Variants in SATB1 observed in about 807,000 individuals in gnomAD.
The protein encoded by SATB1 is DNA-binding protein SATB1.
Under a neutral mutation model 86.9 loss-of-function variants are expected in SATB1, and 11 were observed. That is an observed-to-expected ratio of 0.13 (90% CI 0.08 to 0.21). The LOEUF is 0.21. Ranked by LOEUF, SATB1 falls within the 10% of genes least tolerant of loss-of-function variation. The pLI is 1.00. For missense variants in SATB1, 551 were observed against 937.6 expected (o/e 0.59, Z 5.39); for synonymous variants, 357 against 357.2 (o/e 1.00, Z 0.01).
intron 5 of SATB1, among the ~76,000 whole-genome samples, chr3:18,398,681 A>G (rs971276096): frequency 6.6e-6 from 1 of 152,130 alleles, no homozygotes; most frequent in Non-Finnish European, 1.5e-5. Context: ...GAGTCGCATT[A>G]TTTATGTAAA....
chr3:18,417,635 A>G (rs1472348523), intron 2 of SATB1: 2 of 693,566 alleles, frequency 2.9e-6, no homozygotes, highest in Admixed American at 4.2e-5. Flanking sequence ...TTTAGATATT[A>G]GCTCTAACTG....
chr3:18,435,785 C>G (rs1007283313), intron 2 of SATB1, among the ~76,000 whole-genome samples: 1 of 152,070 alleles, frequency 6.6e-6, no homozygotes, highest in African/African-American at 2.4e-5. Flanking sequence ...AGGAGCATCA[C>G]ATGATTATTT....
At chr3:18,377,480 T>G (rs1056687839) in intron 9 of SATB1, among the ~76,000 whole-genome samples, 15 of 152,196 alleles carry the variant, frequency 9.9e-5, no homozygotes, top group African/African-American at 3.1e-4. Flanking sequence ...ATTTGACAGT[T>G]ATGCTGATAA....
At chr3:18,367,409 T>C (rs919538894) in intron 9 of SATB1, among the ~76,000 whole-genome samples, 31 of 152,300 alleles carry the variant, frequency 2.0e-4, no homozygotes, top group African/African-American at 7.2e-4. Context: ...TTCCTTCCTG[T>C]ATGTTTTCAT....
chr3:18,394,549 G>A lies in SATB1; in HGVS notation c.1119C>T (p.Ser373=), dbSNP rs751682517. The A allele has an allele frequency of 2.2e-5, 35 of 1,613,998 alleles. No individual in the cohort carries two copies. The highest frequency in any genetic ancestry group is 9.3e-5 in the African/African-American group (7 of 74,902). Residue 373 remains serine (S), a synonymous_variant, in exon 7 of 11, where the codon TCC becomes TCT. Coordinates refer to ENST00000338745, the MANE Select transcript of SATB1 (RefSeq NM_002971.6). This position sits in a 1 kb window ranked among gnomAD's most constrained non-coding sequence, Gnocchi z 5.9. The part of the protein sequence containing the change: ...QQVSTNTEVS[S]EIYQWVRDEL... ...CATCGCGTACCCACTGGTAGATTTCGGAAGACACCTCTGTGTTGGTCGAAA... is the reference window on the plus strand; with the variant it reads ...CATCGCGTACCCACTGGTAGATTTCAGAAGACACCTCTGTGTTGGTCGAAA...
chr3:18,422,846 G>C (rs573340615), intron 1 of SATB1, among the ~76,000 whole-genome samples: 1 of 152,286 alleles, frequency 6.6e-6, no homozygotes. Flanking sequence ...AAGTAATCAT[G>C]AGGCTTAACA....
chr3:18,350,892 C>CA (rs1452696288), intron 10 of SATB1: 10 of 241,582 alleles, frequency 4.1e-5, no homozygotes, highest in Non-Finnish European at 7.4e-5. Context: ...CACAGAAATA[C>CA]AAAAAAATTG....
In SATB1 at chr3:18,444,657, C is replaced by G. The variant is rs1431896351; in HGVS notation, c.-25+861G>C. 1.0e-6 allele frequency: 1 copy of G among 984,050 alleles called. No individual in the cohort carries two copies. The highest frequency in any genetic ancestry group is 1.2e-6 in the Non-Finnish European group (1 of 829,588). 61.0% of individuals were successfully genotyped at this position (984,050 alleles called of 1,614,324 possible). A position where few individuals can be genotyped will look rare whatever the true frequency, so the allele number is the denominator to read the frequency against. On this transcript the variant is annotated intron_variant, in intron 1 of 3. Transcript: ENST00000415069. The surrounding 1 kb of genome is among the most constrained non-coding windows in gnomAD (Gnocchi z 5.1). ...GTGGCTGTCGAGTGCGGGCCTGAAA[C>G]CAAGAACGGCTCCCCGGGCGGGCGC...
At chr3:18,391,100 T>C (rs1234259693) in intron 7 of SATB1, among the ~76,000 whole-genome samples, 1 of 152,006 alleles carries the variant, frequency 6.6e-6, no homozygotes, top group Non-Finnish European at 1.5e-5. Context: ...TACCATAAAT[T>C]TTCAGAAAAG....
intron 5 of SATB1, among the ~76,000 whole-genome samples, chr3:18,405,847 A>C (rs923549976): frequency 2.6e-5 from 4 of 152,016 alleles, no homozygotes; most frequent in Non-Finnish European, 4.4e-5. Flanking sequence ...CAGCTTTTAG[A>C]TAAGACTTCC....
intron 2 of SATB1, 88 bp downstream of exon 2, chr3:18,420,669 A>G (rs933657568): frequency 2.0e-6 from 2 of 1,016,654 alleles, no homozygotes; most frequent in African/African-American, 3.2e-5. Flanking sequence ...TATACAAAAC[A>G]TGTTCTGCCA....
At chr3:18,395,643 T>TG (rs1696928450) in intron 6 of SATB1, among the ~76,000 whole-genome samples, 1 of 152,346 alleles carries the variant, frequency 6.6e-6, no homozygotes, top group South Asian at 2.1e-4. Context: ...TACCCAGTGT[T>TG]GCTAAGATCC....
At chr3:18,417,279 T>C in intron 2 of SATB1, 1 of 585,492 alleles carries the variant, frequency 1.7e-6, no homozygotes, top group Non-Finnish European at 2.9e-6. Flanking sequence ...AACAGAAATA[T>C]TTAAGTAGAA....
chr3:18,391,996 G>A (rs2125110321), intron 7 of SATB1, among the ~76,000 whole-genome samples: 1 of 152,262 alleles, frequency 6.6e-6, no homozygotes, highest in East Asian at 1.9e-4. Context: ...TTCCTCTTAA[G>A]TCAAACATCT....
chr3:18,383,538 AAT>A (rs1696164251), intron 8 of SATB1, among the ~76,000 whole-genome samples: 1 of 152,188 alleles, frequency 6.6e-6, no homozygotes, highest in Admixed American at 6.5e-5. Context: ...TTTGTCTCAA[AAT>A]ATGTTTCAAA....
At chr3:18,357,182 G>A (rs1216252718) in intron 9 of SATB1, among the ~76,000 whole-genome samples, 1 of 151,700 alleles carries the variant, frequency 6.6e-6, no homozygotes, top group Non-Finnish European at 1.5e-5. Context: ...TGCAGGAATA[G>A]TTTGTTCCAA....
intron 1 of SATB1, chr3:18,445,075 C>A: frequency 2.7e-6 from 1 of 369,174 alleles, no homozygotes; most frequent in Non-Finnish European, 3.7e-6. Context: ...CGCATCCAGA[C>A]GTGGCGCTTC....
Position 18,420,962 on chromosome 3 carries a change from A to T in SATB1, c.6T>A (p.Asp2Glu). The change falls in exon 2 of 11, where the codon GAT becomes GAA. Residue 2 changes from aspartate (D) to glutamate (E), a missense_variant. By Grantham distance (45) the Asp-to-Glu change is conservative. Coordinates refer to ENST00000338745, the MANE Select transcript of SATB1 (RefSeq NM_002971.6). ...TCCCCTGAGTTGCCTCGTTCAAATGATCCATACTCAGTCACTGTCTAAAGA... is the reference window on the plus strand; with the variant it reads ...TCCCCTGAGTTGCCTCGTTCAAATGTTCCATACTCAGTCACTGTCTAAAGA... MDHLNEATQGKE... is the reference protein window; with the variant it reads MEHLNEATQGKE... 1 of 1,614,044 alleles carries T rather than the reference A, an allele frequency of 6.2e-7. No individual in the cohort carries two copies. Among genetic ancestry groups the T allele is most frequent in the South Asian group, 1.1e-5 (1 of 91,086 alleles).
rs970923716 is a variant in SATB1 at position 18,348,034 on chromosome 3, A to T, written c.*1136T>A. ...TAAAGAAAATTGTGATACACTTATA[A>T]AAACAGCCAGCTGTAACAAAATAGC... On this transcript the variant is annotated 3_prime_UTR_variant, in exon 11 of 11. Coordinates refer to ENST00000338745, the MANE Select transcript of SATB1 (RefSeq NM_002971.6). 8 of 152,638 alleles carry T rather than the reference A, an allele frequency of 5.2e-5. No individual in the cohort carries two copies. Among genetic ancestry groups the T allele is most frequent in the African/African-American group, 1.4e-4 (6 of 41,454 alleles). 9.5% of individuals were successfully genotyped at this position (152,638 alleles called of 1,614,324 possible). A position where few individuals can be genotyped will look rare whatever the true frequency, so the allele number is the denominator to read the frequency against.
Sources: allele counts gnomAD v4.1 joint callset (sites outside exome capture counted in the v4.1 genomes callset), GRCh38; gene constraint gnomAD v4.1.1; non-coding constraint Gnocchi (gnomAD v3.1); transcripts MANE v1.5; gene names NCBI Gene and HGNC (gene_info 2026-07-23, HGNC 2026-07-21).